PREX2: variants seen among roughly 807,000 people sequenced by gnomAD.
The protein encoded by PREX2 is phosphatidylinositol-3,4,5-trisphosphate dependent Rac exchange factor 2, also known as phosphatidylinositol 3,4,5-trisphosphate-dependent Rac exchanger 2 protein.
In PREX2, 107 loss-of-function variants were observed where a neutral mutation model predicts 203.2. The observed-to-expected ratio is 0.53, with a 90% CI of 0.45 to 0.62. The LOEUF (loss-of-function observed/expected upper bound fraction) is 0.62, where lower values mean the gene tolerates loss of function less well. Ranked by LOEUF, PREX2 falls within the 20% of genes least tolerant of loss-of-function variation. PREX2 has a pLI of 0.00. For synonymous variants in PREX2, 672 were observed against 663.6 expected, an observed-to-expected ratio of 1.01 and a Z score of -0.19; for missense variants, 1,777 against 1,955.9, an observed-to-expected ratio of 0.91 and a Z score of 1.72.
At chr8:68,220,458 T>A (rs190435858) in intron 38 of PREX2, 1 of 152,296 alleles carries the variant, frequency 6.6e-6, no homozygotes, top group East Asian at 1.9e-4. Context: ...TCAACCTTTT[T>A]AATAAAAACT....
In PREX2 at chr8:68,195,920, GA is replaced by G. The variant is rs1416630164; in HGVS notation, c.4604+3399del. On this transcript the variant is annotated intron_variant, in intron 37 of 39. Transcript: ENST00000288368. ...AGGGAAGAATGTGGCTTTTTGGAAC[GA>G]AAAGGCAGATTTAATTAACATTAAT... Among the ~76,000 whole-genome samples, 3 of 152,212 alleles carry G rather than the reference GA, an allele frequency of 2.0e-5. No homozygotes were observed. The South Asian group carries it at 6.2e-4, about 32-fold the overall frequency.
rs1813254723 is a variant in PREX2, at chr8:68,235,785, G to A, written c.*4407G>A. The A allele has an allele frequency of 6.6e-6, 1 of 152,048 alleles. No homozygotes were observed. Among genetic ancestry groups the A allele is most frequent in the Non-Finnish European group, 1.5e-5 (1 of 68,028 alleles). 9.4% of individuals were successfully genotyped at this position (152,048 alleles called of 1,614,324 possible). A position where few individuals can be genotyped will look rare whatever the true frequency, so the allele number is the denominator to read the frequency against. On this transcript the variant is annotated 3_prime_UTR_variant, in exon 40 of 40. Coordinates refer to ENST00000288368, the MANE Select transcript of PREX2 (RefSeq NM_024870.4). ...TCACAAAAATGTTACTGCTTCAAAGGCTTGGCATTAACAGTGATGTCAGCA... is the reference window on the plus strand; with the variant it reads ...TCACAAAAATGTTACTGCTTCAAAGACTTGGCATTAACAGTGATGTCAGCA...
Position 68,120,994 on chromosome 8 carries a change from G to C in PREX2, c.3669G>C (p.Trp1223Cys), listed in dbSNP as rs1273558396. Residue 1223 changes from tryptophan (W) to cysteine (C), a missense_variant, in exon 30 of 40, where the codon TGG becomes TGC. Transcript: ENST00000288368. Reference protein sequence around the residue: ...RLRLHIKQDPWNLPSSVRTLA... With the variant: ...RLRLHIKQDPCNLPSSVRTLA... ...GGCTTCATATCAAGCAAGATCCTTGGAATCTTCCCAGCAGCGTCCGGACTC... is the reference window on the plus strand; with the variant it reads ...GGCTTCATATCAAGCAAGATCCTTGCAATCTTCCCAGCAGCGTCCGGACTC... 1.2e-6 allele frequency: 2 copies of C among 1,613,692 alleles called. No individual in the cohort carries two copies. The highest frequency in any genetic ancestry group is 1.3e-5 in the African/African-American group (1 of 74,892).
intron 1 of PREX2, among the ~76,000 whole-genome samples, chr8:67,975,867 C>A (rs1031917583): frequency 5.4e-5 from 7 of 130,428 alleles, no homozygotes; most frequent in East Asian, 2.8e-4. Context: ...CCATGCCCGG[C>A]TAATTTTTTT....
chr8:68,151,756 A>C (rs1811439772), intron 34 of PREX2, among the ~76,000 whole-genome samples: 1 of 150,938 alleles, frequency 6.6e-6, no homozygotes, highest in African/African-American at 2.4e-5. Flanking sequence ...CATGCTCTTG[A>C]GTATTCTCTT....
At chr8:68,034,213 G>A (rs1034740063) in intron 6 of PREX2, among the ~76,000 whole-genome samples, 2 of 151,884 alleles carry the variant, frequency 1.3e-5, no homozygotes, top group East Asian at 1.9e-4. Context: ...ATTATATCTC[G>A]GTCATATAAG....
intron 31 of PREX2, among the ~76,000 whole-genome samples, chr8:68,128,281 A>G (rs1432366413): frequency 6.6e-6 from 1 of 152,212 alleles, no homozygotes. Flanking sequence ...CAGAAATTCT[A>G]TTACATTAAC....
intron 20 of PREX2, among the ~76,000 whole-genome samples, chr8:68,091,894 G>T (rs2129612254): frequency 6.6e-6 from 1 of 152,230 alleles, no homozygotes; most frequent in Non-Finnish European, 1.5e-5. Context: ...CCACTAACAT[G>T]CTCTACCAGA....
intron 37 of PREX2, among the ~76,000 whole-genome samples, chr8:68,205,018 C>G (rs1812590023): frequency 6.6e-6 from 1 of 152,148 alleles, no homozygotes; most frequent in African/African-American, 2.4e-5. Context: ...AAACCCTTGT[C>G]TTCCAGCTCT....
At chr8:67,980,123 C>T (rs922214496) in intron 1 of PREX2, among the ~76,000 whole-genome samples, 5 of 152,120 alleles carry the variant, frequency 3.3e-5, no homozygotes, top group Non-Finnish European at 7.4e-5. Flanking sequence ...AAAAGAGTAG[C>T]GTGATACAAA....
chr8:67,984,603 G>T (rs935300246), intron 1 of PREX2, among the ~76,000 whole-genome samples: 3 of 152,124 alleles, frequency 2.0e-5, no homozygotes, highest in Non-Finnish European at 4.4e-5. Flanking sequence ...AACTTCCTAG[G>T]TAGAAATGCA....
At chr8:68,039,029 G>A (rs1247732439) in intron 7 of PREX2, among the ~76,000 whole-genome samples, 1 of 152,114 alleles carries the variant, frequency 6.6e-6, no homozygotes, top group African/African-American at 2.4e-5. Flanking sequence ...CCTCCTAGCT[G>A]TATTCCTCTG....
chr8:67,982,932 C>T (rs1365916262), intron 1 of PREX2, among the ~76,000 whole-genome samples: 1 of 152,216 alleles, frequency 6.6e-6, no homozygotes, highest in East Asian at 1.9e-4. Flanking sequence ...TGGCCTTTAG[C>T]ATCTTCTTTG....
At chr8:68,016,618 A>G (rs1291296412) in intron 1 of PREX2, among the ~76,000 whole-genome samples, 1 of 151,904 alleles carries the variant, frequency 6.6e-6, no homozygotes, top group Non-Finnish European at 1.5e-5. Flanking sequence ...ATTTATTTTT[A>G]TTTTTATCTT....
chr8:68,167,260 C>CT (rs763600085), intron 35 of PREX2, among the ~76,000 whole-genome samples: 6 of 151,910 alleles, frequency 3.9e-5, no homozygotes, highest in Non-Finnish European at 7.4e-5. Context: ...CAGTTGGGAT[C>CT]TTTCATGACT....
At chr8:68,226,930 AC>A (rs1167942861) in intron 39 of PREX2, among the ~76,000 whole-genome samples, 1 of 152,228 alleles carries the variant, frequency 6.6e-6, no homozygotes, top group African/African-American at 2.4e-5. Context: ...ACCAAGGACC[AC>A]AGAAGAAGTG....
At chr8:67,965,445 G>C (rs1249650027) in intron 1 of PREX2, among the ~76,000 whole-genome samples, 4 of 151,750 alleles carry the variant, frequency 2.6e-5, no homozygotes, top group Admixed American at 2.6e-4. Context: ...TTGAGGCAAA[G>C]ATATAAAATT....
At chr8:67,962,410 G>T (rs1805656088) in intron 1 of PREX2, among the ~76,000 whole-genome samples, 1 of 151,898 alleles carries the variant, frequency 6.6e-6, no homozygotes, top group East Asian at 1.9e-4. Flanking sequence ...ACCATCTATG[G>T]AAAGGCATTA....
At chr8:68,090,537 C>A (rs374714461) in intron 19 of PREX2, 42 bp from the exon 20 acceptor site, 78 of 1,553,098 alleles carry the variant, frequency 5.0e-5, no homozygotes, top group Non-Finnish European at 6.6e-5. Flanking sequence ...GAATCTTATT[C>A]CTGAAATTTG....
Sources: gnomAD v4.1 joint callset for allele counts (sites outside exome capture counted in the v4.1 genomes callset) on GRCh38, gnomAD v4.1.1 for gene constraint, MANE v1.5 for transcripts, NCBI Gene and HGNC (gene_info 2026-07-23, HGNC 2026-07-21) for gene names.